Variants in PTPRZ1 observed in about 807,000 individuals in gnomAD.
PTPRZ1 encodes the protein receptor-type tyrosine-protein phosphatase zeta.
Under a neutral mutation model 214.1 loss-of-function variants are expected in PTPRZ1, and 82 were observed. That is an observed-to-expected ratio of 0.38 (90% CI 0.32 to 0.46). The LOEUF (loss-of-function observed/expected upper bound fraction) is 0.46, where lower values mean the gene tolerates loss of function less well. Among genes scored for constraint, PTPRZ1 ranks in the 20% least tolerant of loss-of-function variants. The pLI, the probability that PTPRZ1 is intolerant of heterozygous loss-of-function variation, is 1.00. For missense variants in PTPRZ1, 2,603 were observed against 2,748.7 expected (o/e 0.95, Z 1.19); for synonymous variants, 945 against 987.9 (o/e 0.96, Z 0.81).
chr7:121,927,056 G>GA (rs1388845047), intron 1 of PTPRZ1, among the ~76,000 whole-genome samples: 1 of 152,064 alleles, frequency 6.6e-6, no homozygotes, highest in African/African-American at 2.4e-5. Flanking sequence ...TATATAACAT[G>GA]AAAGAAAGAA....
At chr7:121,931,533 G>A (rs1795924391) in intron 2 of PTPRZ1, among the ~76,000 whole-genome samples, 1 of 152,136 alleles carries the variant, frequency 6.6e-6, no homozygotes, top group Non-Finnish European at 1.5e-5. Flanking sequence ...AAGCAAGGGT[G>A]GATGTATGTT....
At chr7:121,890,196 A>G (rs1455335508) in intron 1 of PTPRZ1, among the ~76,000 whole-genome samples, 1 of 152,198 alleles carries the variant, frequency 6.6e-6, no homozygotes, top group Non-Finnish European at 1.5e-5. Flanking sequence ...GATATGTAAC[A>G]CAGTTCTCAA....
In PTPRZ1 at chr7:122,061,165, A is replaced by G. The variant is rs372073498; in HGVS notation, c.6893A>G (p.Asn2298Ser). The G allele has an allele frequency of 1.2e-6, 2 of 1,609,892 alleles. No homozygotes were observed. The highest frequency in any genetic ancestry group is 2.7e-5 in the African/African-American group (2 of 74,758). Residue 2298 changes from asparagine to serine, a missense_variant, in exon 30 of 30, where the codon AAT (asparagine) becomes AGT (serine). Coordinates refer to ENST00000393386, the MANE Select transcript of PTPRZ1 (RefSeq NM_002851.3). ...AATCCATCCACCTCTCTGGACAGTAATGGTGCAGCATTGCCTGATGGAAAT... is the reference window on the plus strand; with the variant it reads ...AATCCATCCACCTCTCTGGACAGTAGTGGTGCAGCATTGCCTGATGGAAAT... ...EENPSTSLDS[N>S]GAALPDGNIA...
In PTPRZ1 at chr7:122,013,145, G is replaced by A. The variant is rs541809696; in HGVS notation, c.4099G>A (p.Val1367Ile). The A allele has an allele frequency of 1.1e-5, 18 of 1,613,896 alleles. No individual in the cohort carries two copies. In the East Asian group the frequency reaches 2.0e-4, roughly 18 times the overall value. Residue 1367 changes from valine to isoleucine, a missense_variant, in exon 12 of 30, where the codon GTT becomes ATT. Transcript: ENST00000393386. The part of the protein sequence containing the change: ...SDTFVSTDHS[V>I]PIGNGHVAIT... ...TACATTTGTATCTACTGATCATTCT[G>A]TTCCTATAGGAAATGGGCATGTTGC...
At chr7:122,059,582 A>G (rs895464251) in intron 28 of PTPRZ1, 171 bp from the exon 29 acceptor site, 8 of 704,408 alleles carry the variant, frequency 1.1e-5, no homozygotes, top group Admixed American at 5.6e-5. Context: ...ACACTTGGCA[A>G]TATTTCAGAT....
At chr7:121,979,020 C>T (rs1473277005) in intron 6 of PTPRZ1, among the ~76,000 whole-genome samples, 1 of 151,796 alleles carries the variant, frequency 6.6e-6, no homozygotes, top group Non-Finnish European at 1.5e-5. Context: ...TCTGGAACCA[C>T]AGCTAAATCC....
chr7:122,058,758 A>G (rs1792462466), intron 27 of PTPRZ1, 42 bp from the exon 28 acceptor site: 1 of 1,534,406 alleles, frequency 6.5e-7, no homozygotes, highest in African/African-American at 1.4e-5. Context: ...ACTCCTGGTA[A>G]ACTGTCACTA....
chr7:122,033,488 T>C (rs1448643230), intron 15 of PTPRZ1, among the ~76,000 whole-genome samples: 1 of 151,642 alleles, frequency 6.6e-6, no homozygotes, highest in Non-Finnish European at 1.5e-5. Context: ...AAATAAATTT[T>C]CTTTACTTAC....
At chr7:121,913,498 A>T (rs1795336282) in intron 1 of PTPRZ1, among the ~76,000 whole-genome samples, 1 of 152,270 alleles carries the variant, frequency 6.6e-6, no homozygotes, top group Non-Finnish European at 1.5e-5. Context: ...CATGGAATAA[A>T]TAAAATATCT....
chr7:122,044,682 T>C (rs1224134397), intron 23 of PTPRZ1, 114 bp downstream of exon 23: 3 of 1,081,036 alleles, frequency 2.8e-6, no homozygotes, highest in Non-Finnish European at 3.9e-6. Context: ...AATGACTTTG[T>C]ATTTGAGCCA....
chr7:121,913,943 C>T (rs1280354333), intron 1 of PTPRZ1, among the ~76,000 whole-genome samples: 1 of 152,212 alleles, frequency 6.6e-6, no homozygotes, highest in Non-Finnish European at 1.5e-5. Flanking sequence ...TAGAATTATC[C>T]AGCTACACAG....
At chr7:121,892,273 G>GT (rs992751527) in intron 1 of PTPRZ1, among the ~76,000 whole-genome samples, 1 of 151,858 alleles carries the variant, frequency 6.6e-6, no homozygotes, top group Non-Finnish European at 1.5e-5. Context: ...TGGTTACAAC[G>GT]TTTTTTCTTA....
chr7:121,943,268 G>A (rs2116428268), intron 2 of PTPRZ1, among the ~76,000 whole-genome samples: 1 of 152,034 alleles, frequency 6.6e-6, no homozygotes, highest in South Asian at 2.1e-4. Flanking sequence ...TTCTTTTTTT[G>A]ACAGTGAAAT....
At chr7:121,924,404 G>A (rs1584643646) in intron 1 of PTPRZ1, among the ~76,000 whole-genome samples, 1 of 151,986 alleles carries the variant, frequency 6.6e-6, no homozygotes, top group African/African-American at 2.4e-5. Context: ...TTTTTAAAGT[G>A]GGGTACTCTC....
chr7:121,984,248 A>G (rs1797703079), intron 8 of PTPRZ1, 131 bp downstream of exon 8: 3 of 790,260 alleles, frequency 3.8e-6, no homozygotes, highest in South Asian at 3.9e-5. Context: ...GTAGCTTTAG[A>G]TAAGCTGTCT....
At chr7:121,886,168 T>G (rs1280735530) in intron 1 of PTPRZ1, among the ~76,000 whole-genome samples, 7 of 152,140 alleles carry the variant, frequency 4.6e-5, no homozygotes, top group Non-Finnish European at 1.0e-4. Context: ...ATAGACTTTT[T>G]TGTGTGGAAG....
At chr7:121,958,821 G>A (rs899453912) in intron 2 of PTPRZ1, among the ~76,000 whole-genome samples, 1 of 151,950 alleles carries the variant, frequency 6.6e-6, no homozygotes, top group African/African-American at 2.4e-5. Flanking sequence ...GACATCTTTT[G>A]TTGTTGTTGT....
At position 122,054,014 on chromosome 7, in the gene PTPRZ1, T is replaced by C. The variant is rs370052012; in HGVS notation, c.6357T>C (p.Val2119=). ...MIWDHNAQLV[V]MIPDGQNMAE... Reference sequence around the variant, plus strand: ...GGGACCATAATGCCCAACTGGTGGTTATGATTCCTGATGGCCAAAACATGG... The same window carrying C: ...GGGACCATAATGCCCAACTGGTGGTCATGATTCCTGATGGCCAAAACATGG... Residue 2119 remains valine (V), a synonymous_variant, in exon 26 of 30, where the codon GTT becomes GTC. Transcript: ENST00000393386. The C allele has an allele frequency of 5.6e-6, 9 of 1,613,054 alleles. No individual in the cohort carries two copies. The highest frequency in any genetic ancestry group is 7.6e-6 in the Non-Finnish European group (9 of 1,179,320).
intron 8 of PTPRZ1, among the ~76,000 whole-genome samples, chr7:121,986,808 G>T (rs1797774432): frequency 6.6e-6 from 1 of 152,166 alleles, no homozygotes; most frequent in Admixed American, 6.6e-5. Context: ...CAATACTTAA[G>T]GAAAAACTAG....
Sources: gnomAD v4.1 joint callset for allele counts (sites outside exome capture counted in the v4.1 genomes callset) on GRCh38, gnomAD v4.1.1 for gene constraint, MANE v1.5 for transcripts, NCBI Gene and HGNC (gene_info 2026-07-23, HGNC 2026-07-21) for gene names.